Variants in RGS7 observed in about 807,000 individuals in gnomAD.
RGS7 encodes the protein regulator of G protein signaling 7.
In RGS7, 27 loss-of-function variants were observed where a neutral mutation model predicts 81.1. That is an observed-to-expected ratio of 0.33 (90% CI 0.25 to 0.46). The LOEUF is 0.46. RGS7 is among the 20% of genes least tolerant of loss of function. The pLI, the probability that RGS7 is intolerant of heterozygous loss-of-function variation, is 1.00. For synonymous variants in RGS7, 208 were observed against 207.7 expected, an observed-to-expected ratio of 1.00 and a Z score of -0.01; for missense variants, 396 against 607.4, an observed-to-expected ratio of 0.65 and a Z score of 3.66.
chr1:241,174,506 A>G (rs2070960786), intron 2 of RGS7, among the ~76,000 whole-genome samples: 1 of 152,248 alleles, frequency 6.6e-6, no homozygotes, highest in African/African-American at 2.4e-5. Context: ...TCACACCTAA[A>G]GCACACATTT....
chr1:240,931,309 ACT>A (rs1675398224), intron 5 of RGS7, among the ~76,000 whole-genome samples: 1 of 152,180 alleles, frequency 6.6e-6, no homozygotes, highest in Non-Finnish European at 1.5e-5. Context: ...GCAACTTTTT[ACT>A]CTCACTTTTA....
intron 2 of RGS7, among the ~76,000 whole-genome samples, chr1:241,281,492 A>C (rs187507761): frequency 4.9e-4 from 74 of 152,328 alleles, no homozygotes; most frequent in African/African-American, 1.7e-3. Context: ...GTAAACGCTG[A>C]ATAACACCAT....
chr1:241,315,107 C>CTTCTT (rs2080790774), intron 2 of RGS7, among the ~76,000 whole-genome samples: 1 of 57,442 alleles, frequency 1.7e-5, no homozygotes, highest in African/African-American at 7.5e-5. Flanking sequence ...TCTTCTTCTT[C>CTTCTT]TTTTTTTTTT....
intron 3 of RGS7, among the ~76,000 whole-genome samples, chr1:241,039,281 C>T (rs2060485184): frequency 6.6e-6 from 1 of 152,214 alleles, no homozygotes; most frequent in Admixed American, 6.5e-5. Flanking sequence ...TGGGATCAAA[C>T]ACTGGGCATG....
intron 18 of RGS7, among the ~76,000 whole-genome samples, chr1:240,795,098 C>T (rs975033827): frequency 3.9e-5 from 6 of 152,012 alleles, no homozygotes; most frequent in African/African-American, 1.4e-4. Context: ...GCAGGAGAAT[C>T]GCTTGAACCT....
intron 2 of RGS7, among the ~76,000 whole-genome samples, chr1:241,220,973 G>GA (rs1174144481): frequency 4.0e-5 from 3 of 74,536 alleles, no homozygotes; most frequent in Non-Finnish European, 8.4e-5. Context: ...AAGGAAGGAA[G>GA]GAAGGAAGGA....
intron 9 of RGS7, among the ~76,000 whole-genome samples, chr1:240,846,191 C>T (rs1206057778): frequency 6.6e-6 from 1 of 152,156 alleles, no homozygotes; most frequent in African/African-American, 2.4e-5. Flanking sequence ...GTTACTACCT[C>T]ATATTTACCA....
intron 6 of RGS7, among the ~76,000 whole-genome samples, chr1:240,875,123 G>T (rs1223028096): frequency 9.2e-5 from 14 of 152,064 alleles, no homozygotes; most frequent in Admixed American, 7.9e-4. Flanking sequence ...TCATCATCCC[G>T]CTATACAACA....
intron 3 of RGS7, among the ~76,000 whole-genome samples, chr1:240,998,039 C>T (rs1388109218): frequency 1.3e-5 from 2 of 152,072 alleles, no homozygotes; most frequent in Admixed American, 1.3e-4. Flanking sequence ...TTTTCATTTC[C>T]CCGTTATGCC....
rs1683773479 is a variant in RGS7, at chr1:240,974,561, A to G, written c.226+8518T>C. ...TCTGCCATTATGTTGCTTAGATTCA[A>G]CTGAAGTGATGAGACCAACATACAT... On this transcript the variant is annotated intron_variant, in intron 4 of 18. Coordinates refer to ENST00000440928, the MANE Select transcript of RGS7 (RefSeq NM_001364886.1). Among the ~76,000 whole-genome samples the G allele has an allele frequency of 2.0e-5, 3 of 152,324 alleles. No homozygotes were observed. In the South Asian group the frequency reaches 6.2e-4, roughly 32 times the overall value.
intron 2 of RGS7, among the ~76,000 whole-genome samples, chr1:241,291,918 G>A (rs953357302): frequency 3.3e-5 from 5 of 152,156 alleles, no homozygotes; most frequent in African/African-American, 1.2e-4. Context: ...CTTTCCATCT[G>A]TAGTACAATC....
chr1:241,315,107 C>CTTTTTTTT (rs5782184), intron 2 of RGS7, among the ~76,000 whole-genome samples: 663 of 57,442 alleles, frequency 0.012, 79 homozygotes, highest in Middle Eastern at 0.02. Flanking sequence ...TCTTCTTCTT[C>CTTTTTTTT]TTTTTTTTTT....
At chr1:241,128,882 C>T (rs1461828208) in intron 2 of RGS7, among the ~76,000 whole-genome samples, 1 of 150,672 alleles carries the variant, frequency 6.6e-6, no homozygotes, top group Admixed American at 6.6e-5. Context: ...ATTTACATTT[C>T]CCTACCCCGT....
intron 4 of RGS7, among the ~76,000 whole-genome samples, chr1:240,980,870 A>G (rs1156793906): frequency 6.6e-6 from 1 of 152,222 alleles, no homozygotes; most frequent in East Asian, 1.9e-4. Context: ...CAGAACATGT[A>G]TGTTCCTTCC....
chr1:241,150,955 G>A (rs992429795), intron 2 of RGS7, among the ~76,000 whole-genome samples: 6 of 152,088 alleles, frequency 3.9e-5, no homozygotes, highest in African/African-American at 7.2e-5. Flanking sequence ...CCTGGAATCC[G>A]GATGTCCAAG....
chr1:240,900,367 A>C (rs1471220357), intron 6 of RGS7, among the ~76,000 whole-genome samples: 2 of 152,058 alleles, frequency 1.3e-5, no homozygotes, highest in Admixed American at 6.6e-5. Context: ...GAGAAGAGGC[A>C]CTCTGATTTT....
At chr1:241,337,632 A>C (rs1280067847) in intron 2 of RGS7, among the ~76,000 whole-genome samples, 2 of 152,180 alleles carry the variant, frequency 1.3e-5, no homozygotes, top group Admixed American at 6.6e-5. Context: ...CGGTTTCCAA[A>C]GTATTTATTG....
intron 6 of RGS7, among the ~76,000 whole-genome samples, chr1:240,887,597 G>C (rs1487394573): frequency 6.6e-6 from 1 of 152,166 alleles, no homozygotes; most frequent in Non-Finnish European, 1.5e-5. Flanking sequence ...CATTTGACAA[G>C]TGTCTCTTCC....
At chr1:240,985,932 A>T (rs1016364882) in intron 3 of RGS7, among the ~76,000 whole-genome samples, 1 of 150,722 alleles carries the variant, frequency 6.6e-6, no homozygotes, top group Non-Finnish European at 1.5e-5. Context: ...CCTTTACAGC[A>T]ATTTTCCAGC....
Sources: allele counts gnomAD v4.1 joint callset (sites outside exome capture counted in the v4.1 genomes callset), GRCh38; gene constraint gnomAD v4.1.1; transcripts MANE v1.5; gene names NCBI Gene and HGNC (gene_info 2026-07-23, HGNC 2026-07-21).